Variants in LSAMP observed in about 807,000 individuals in gnomAD.
The protein encoded by LSAMP is limbic system associated membrane protein, also known as limbic system-associated membrane protein.
In LSAMP, 7 loss-of-function variants were observed where a neutral mutation model predicts 38.6. The ratio of observed to expected loss-of-function variants is 0.18; its 90% CI spans 0.10 to 0.34. LSAMP has a LOEUF of 0.34. Among genes scored for constraint, LSAMP ranks in the 10% least tolerant of loss-of-function variants. The pLI, the probability that LSAMP is intolerant of heterozygous loss-of-function variation, is 1.00. For synonymous variants in LSAMP, 154 were observed against 166.8 expected, an observed-to-expected ratio of 0.92 and a Z score of 0.59; for missense variants, 313 against 420.0, an observed-to-expected ratio of 0.75 and a Z score of 2.23.
intron 3 of LSAMP, among the ~76,000 whole-genome samples, chr3:116,016,658 G>T (rs1014674566): frequency 6.3e-4 from 96 of 152,250 alleles, no homozygotes; most frequent in African/African-American, 2.2e-3. Flanking sequence ...CAATTATTCA[G>T]TGATGCTGTT....
chr3:116,248,485 G>C (rs1288514705), intron 1 of LSAMP, among the ~76,000 whole-genome samples: 1 of 15,884 alleles, frequency 6.3e-5, no homozygotes. Flanking sequence ...TAATGTGTGT[G>C]TGTGTGTGTG....
At chr3:116,118,950 C>T (rs1708813454) in intron 1 of LSAMP, among the ~76,000 whole-genome samples, 2 of 152,040 alleles carry the variant, frequency 1.3e-5, no homozygotes, top group African/African-American at 2.4e-5. Flanking sequence ...CCCTGGGGAT[C>T]GTTTAAAATG....
chr3:116,204,499 T>C (rs1218648686), intron 1 of LSAMP, among the ~76,000 whole-genome samples: 1 of 151,596 alleles, frequency 6.6e-6, no homozygotes, highest in African/African-American at 2.4e-5. Flanking sequence ...TGAATGGTAT[T>C]GCCTAGGTTT....
rs1016696185 is a variant in LSAMP, at chr3:115,804,792, G to A, written c.*5525C>T. ...CAGGCACTTCAAAAAGACTCCAAGA[G>A]AACATGCCTGAGAAAGATAACTCCC... On this transcript the variant is annotated 3_prime_UTR_variant, in exon 7 of 7. Transcript: ENST00000490035. The A allele has an allele frequency of 7.2e-5, 11 of 152,016 alleles. No individual in the cohort carries two copies. Among genetic ancestry groups the A allele is most frequent in the Non-Finnish European group, 1.0e-4 (7 of 68,010 alleles). The allele number at this position is 152,016 out of a possible 1,614,324, so 9.4% of individuals were successfully genotyped here. A position where few individuals can be genotyped will look rare whatever the true frequency, so the allele number is the denominator to read the frequency against.
At chr3:115,937,325 A>G (rs1313066508) in intron 3 of LSAMP, among the ~76,000 whole-genome samples, 2 of 152,182 alleles carry the variant, frequency 1.3e-5, no homozygotes, top group African/African-American at 4.8e-5. Context: ...AGTTTAAAAA[A>G]TCAAAACATG....
intron 2 of LSAMP, among the ~76,000 whole-genome samples, chr3:116,036,562 C>A (rs568736920): frequency 2.0e-5 from 3 of 152,306 alleles, no homozygotes; most frequent in Admixed American, 2.0e-4. Context: ...AATTATAAAT[C>A]TTTGGTGCTA....
At chr3:116,150,033 A>G (rs535150975) in intron 1 of LSAMP, among the ~76,000 whole-genome samples, 1 of 152,190 alleles carries the variant, frequency 6.6e-6, no homozygotes, top group East Asian at 1.9e-4. Context: ...CAATTATTAG[A>G]TGACTTACAG....
At chr3:115,997,410 A>T (rs2107652187) in intron 3 of LSAMP, among the ~76,000 whole-genome samples, 1 of 152,070 alleles carries the variant, frequency 6.6e-6, no homozygotes, top group South Asian at 2.1e-4. Flanking sequence ...TGCTACAAGG[A>T]AATAAAACAG....
chr3:116,359,281 TAA>T (rs2048269388), intron 1 of LSAMP, among the ~76,000 whole-genome samples: 1 of 152,332 alleles, frequency 6.6e-6, no homozygotes, highest in Admixed American at 6.5e-5. Context: ...TGAAAAAATA[TAA>T]GTTTTGTATG....
intron 1 of LSAMP, among the ~76,000 whole-genome samples, chr3:116,182,648 A>G (rs1474317856): frequency 6.6e-6 from 1 of 151,736 alleles, no homozygotes; most frequent in Non-Finnish European, 1.5e-5. Context: ...ATTTCTAAAC[A>G]GAATGGAGAA....
chr3:115,999,923 G>A (rs1029793034), intron 3 of LSAMP, among the ~76,000 whole-genome samples: 3 of 152,160 alleles, frequency 2.0e-5, no homozygotes, highest in Admixed American at 2.0e-4. Context: ...TTCCTGACAA[G>A]AACATGTGGC....
intron 1 of LSAMP, among the ~76,000 whole-genome samples, chr3:116,210,786 A>G (rs1254651133): frequency 3.3e-5 from 5 of 152,230 alleles, no homozygotes; most frequent in African/African-American, 1.2e-4. Context: ...GCAAATTTCT[A>G]ATAGTAAATA....
intron 1 of LSAMP, among the ~76,000 whole-genome samples, chr3:116,296,750 C>G (rs1004128773): frequency 6.9e-6 from 1 of 144,582 alleles, no homozygotes; most frequent in African/African-American, 2.5e-5. Flanking sequence ...TACTGAGGCT[C>G]TACTCCTATG....
intron 1 of LSAMP, among the ~76,000 whole-genome samples, chr3:116,252,518 A>C (rs1289309637): frequency 6.6e-6 from 1 of 152,146 alleles, no homozygotes; most frequent in Non-Finnish European, 1.5e-5. Context: ...GCCTTTCTCA[A>C]TAATGTATGA....
intron 1 of LSAMP, among the ~76,000 whole-genome samples, chr3:116,232,699 CT>C (rs1219296323): frequency 1.5e-3 from 152 of 99,474 alleles, no homozygotes; most frequent in Middle Eastern, 7.8e-3. Context: ...TTCTTTCTTT[CT>C]TTTTTTTTTT....
rs72947988 is a variant in LSAMP at position 116,277,825 on chromosome 3, G to T, written c.155+167052C>A. 1.6e-3 allele frequency among the ~76,000 whole-genome samples: 240 copies of T among 152,158 alleles called. 1 individual carries two copies. Among genetic ancestry groups the T allele is most frequent in the African/African-American group, 5.5e-3 (229 of 41,492 alleles). The stretch of plus-strand genomic sequence containing the variant: ...ATCGATTATTTAGAGAACCATGAGA[G>T]ACTCAGCCTGCTCTTATTTTCATCA... On this transcript the variant is annotated intron_variant, in intron 1 of 6. Transcript: ENST00000490035.
chr3:115,948,821 A>G (rs1374243593), intron 3 of LSAMP, among the ~76,000 whole-genome samples: 1 of 152,168 alleles, frequency 6.6e-6, no homozygotes, highest in African/African-American at 2.4e-5. Flanking sequence ...ACAATACCAA[A>G]TAATAATAGT....
chr3:116,245,895 C>G (rs1416205720), intron 1 of LSAMP, among the ~76,000 whole-genome samples: 1 of 152,086 alleles, frequency 6.6e-6, no homozygotes, highest in Non-Finnish European at 1.5e-5. Flanking sequence ...TGTTCTTTCT[C>G]CTCTAGTTCC....
At chr3:116,198,106 C>G (rs9834017) in intron 1 of LSAMP, among the ~76,000 whole-genome samples, 121,087 of 152,180 alleles carry the variant, frequency 0.8, 49,137 homozygotes, top group East Asian at 0.91. Flanking sequence ...AGATGACGTT[C>G]AAAAGATAAG....
Sources: allele counts gnomAD v4.1 joint callset (sites outside exome capture counted in the v4.1 genomes callset), GRCh38; gene constraint gnomAD v4.1.1; transcripts MANE v1.5; gene names NCBI Gene and HGNC (gene_info 2026-07-23, HGNC 2026-07-21).